NPSR1: variants seen among roughly 807,000 people sequenced by gnomAD.
NPSR1 encodes neuropeptide S receptor.
In NPSR1, 48 loss-of-function variants were observed where a neutral mutation model predicts 46.9. That is an observed-to-expected ratio of 1.02 (90% confidence interval 0.81 to 1.30). The LOEUF is 1.30. NPSR1 is among the 50% of genes most tolerant of loss of function. The probability of loss-of-function intolerance (pLI) is 0.00; values close to 1 mark genes in which losing one functional copy is unlikely to be tolerated. For missense variants in NPSR1, 450 were observed against 449.5 expected (o/e 1.00, Z -0.01); for synonymous variants, 176 against 168.1 (o/e 1.05, Z -0.36).
chr7:34,682,613 A>C (rs1202697329), intron 1 of NPSR1, among the ~76,000 whole-genome samples: 2 of 151,994 alleles, frequency 1.3e-5, no homozygotes, highest in African/African-American at 4.8e-5. Flanking sequence ...CTGGCACACC[A>C]CCTGAATGGG....
intron 1 of NPSR1, 67 bp from the exon 2 acceptor site, chr7:34,684,485 C>T: frequency 6.6e-7 from 1 of 1,517,002 alleles, no homozygotes; most frequent in Non-Finnish European, 9.0e-7. Flanking sequence ...CAGCCTGGGG[C>T]AGGCATTCTG....
intron 2 of NPSR1, among the ~76,000 whole-genome samples, chr7:34,771,551 T>A (rs1786685201): frequency 6.6e-6 from 1 of 151,512 alleles, no homozygotes; most frequent in Non-Finnish European, 1.5e-5. Flanking sequence ...GGCCAAAAGA[T>A]AAAAAGGGCA....
rs531297764 is a variant in NPSR1 at position 34,749,762 on chromosome 7, T to C, written c.281-28700T>C. Among the ~76,000 whole-genome samples, 7 of 152,354 alleles carry C rather than the reference T, an allele frequency of 4.6e-5. No individual in the cohort carries two copies. The South Asian group carries it at 1.5e-3, about 32-fold the overall frequency. On this transcript the variant is annotated intron_variant, in intron 2 of 8. Coordinates refer to ENST00000360581, the MANE Select transcript of NPSR1 (RefSeq NM_207172.2). The stretch of plus-strand genomic sequence containing the variant: ...AGTTCAATTTCGTATCCTTAGAAGG[T>C]TTCCGTCATATTCCAAGGCTGATGA...
intron 8 of NPSR1, among the ~76,000 whole-genome samples, chr7:34,865,734 C>A (rs1791298703): frequency 6.6e-6 from 1 of 151,700 alleles, no homozygotes; most frequent in South Asian, 2.1e-4. Flanking sequence ...CCCATGAATG[C>A]CAGTCACATG....
At chr7:34,806,470 G>A in intron 3 of NPSR1, among the ~76,000 whole-genome samples, 1 of 152,190 alleles carries the variant, frequency 6.6e-6, no homozygotes, top group African/African-American at 2.4e-5. Context: ...AGGCAAAACT[G>A]TAGAAGAGCA....
intron 2 of NPSR1, among the ~76,000 whole-genome samples, chr7:34,775,450 A>C (rs1426932637): frequency 6.6e-6 from 1 of 152,182 alleles, no homozygotes; most frequent in Admixed American, 6.5e-5. Flanking sequence ...ATAATTCAGC[A>C]GAGAAGCCAT....
chr7:34,795,596 C>T (rs1454899490), intron 3 of NPSR1, among the ~76,000 whole-genome samples: 2 of 152,018 alleles, frequency 1.3e-5, no homozygotes, highest in Non-Finnish European at 2.9e-5. Flanking sequence ...AAGTTCATTG[C>T]TTTCCTATAT....
chr7:34,865,140 C>T (rs943985696), intron 8 of NPSR1, among the ~76,000 whole-genome samples: 11 of 151,988 alleles, frequency 7.2e-5, no homozygotes, highest in African/African-American at 2.7e-4. Context: ...TAGGTCTCAG[C>T]ATTACTGCAT....
intron 2 of NPSR1, among the ~76,000 whole-genome samples, chr7:34,777,548 A>G (rs1389888004): frequency 2.6e-5 from 4 of 151,000 alleles, no homozygotes; most frequent in Non-Finnish European, 5.9e-5. Flanking sequence ...ACCAAGCACT[A>G]TGAGAGCTCA....
chr7:34,780,755 T>G (rs1233232242), intron 3 of NPSR1, among the ~76,000 whole-genome samples: 2 of 152,156 alleles, frequency 1.3e-5, no homozygotes, highest in African/African-American at 4.8e-5. Context: ...CAGAGCCCTT[T>G]CAAATTCCCA....
chr7:34,719,964 A>G (rs1240267583), intron 2 of NPSR1, among the ~76,000 whole-genome samples: 1 of 151,250 alleles, frequency 6.6e-6, no homozygotes, highest in Non-Finnish European at 1.5e-5. Flanking sequence ...CCCATGCCAC[A>G]CTTAGTTTCA....
chr7:34,764,496 T>A (rs770524493), intron 2 of NPSR1, among the ~76,000 whole-genome samples: 9 of 152,196 alleles, frequency 5.9e-5, no homozygotes, highest in Non-Finnish European at 1.3e-4. Context: ...GCTTCCACTC[T>A]ACAATGGCAG....
At chr7:34,810,097 T>C (rs1240335507) in intron 3 of NPSR1, among the ~76,000 whole-genome samples, 4 of 152,228 alleles carry the variant, frequency 2.6e-5, no homozygotes, top group African/African-American at 7.2e-5. Context: ...ATGTGCTTGA[T>C]TGTTATTTGT....
At chr7:34,854,147 AG>A (rs1265761202), downstream of NPSR1, among the ~76,000 whole-genome samples, 1 of 152,212 alleles carries the variant, frequency 6.6e-6, no homozygotes, top group African/African-American at 2.4e-5. Context: ...TCACTAAAAT[AG>A]TAGAAATGCA....
chr7:34,811,565 T>A (rs1788987207), intron 3 of NPSR1, among the ~76,000 whole-genome samples: 1 of 151,912 alleles, frequency 6.6e-6, no homozygotes, highest in Admixed American at 6.6e-5. Context: ...GAGGGTGGGG[T>A]CTTTGCTGGG....
intron 2 of NPSR1, among the ~76,000 whole-genome samples, chr7:34,763,928 T>C (rs1310525463): frequency 2.6e-5 from 4 of 152,200 alleles, no homozygotes; most frequent in Admixed American, 6.5e-5. Flanking sequence ...TTTTTTTTAG[T>C]GAACTGCAAT....
intron 2 of NPSR1, among the ~76,000 whole-genome samples, chr7:34,720,791 C>T (rs1317713781): frequency 2.0e-5 from 3 of 152,058 alleles, no homozygotes; most frequent in Admixed American, 2.0e-4. Flanking sequence ...GTTCACTGTA[C>T]AATGAACAGA....
intron 4 of NPSR1, among the ~76,000 whole-genome samples, chr7:34,812,627 G>A (rs986789221): frequency 1.6e-4 from 25 of 152,310 alleles, no homozygotes; most frequent in African/African-American, 6.0e-4. Context: ...TAATGCCCTA[G>A]AGGAAGGGTG....
At chr7:34,716,215 G>A (rs893745714) in intron 2 of NPSR1, among the ~76,000 whole-genome samples, 5 of 152,102 alleles carry the variant, frequency 3.3e-5, no homozygotes, top group African/African-American at 9.7e-5. Context: ...CGCTTGGACC[G>A]TGAGATGACT....
Sources: allele counts gnomAD v4.1 joint callset (sites outside exome capture counted in the v4.1 genomes callset), GRCh38; gene constraint gnomAD v4.1.1; transcripts MANE v1.5; gene names NCBI Gene and HGNC (gene_info 2026-07-23, HGNC 2026-07-21).